The following ELF4 variants were observed in gnomAD, a reference collection of about 807,000 sequenced individuals.
The protein encoded by ELF4 is ETS-related transcription factor Elf-4.
Under a neutral mutation model 31.7 loss-of-function variants are expected in ELF4, and 10 were observed. The observed-to-expected ratio is 0.32, with a 90% CI of 0.19 to 0.54. The LOEUF (loss-of-function observed/expected upper bound fraction) is 0.54, where lower values mean the gene tolerates loss of function less well. Ranked by LOEUF, ELF4 falls within the 20% of genes least tolerant of loss-of-function variation. ELF4 has a pLI of 0.95. For missense variants in ELF4, 418 were observed against 522.0 expected, an observed-to-expected ratio of 0.80 and a Z score of 1.94; for synonymous variants, 208 against 226.7, an observed-to-expected ratio of 0.92 and a Z score of 0.74.
At chrX:130,084,239 G>A (rs766355807) in intron 1 of ELF4, among the ~76,000 whole-genome samples, 2 of 112,311 alleles carry the variant, frequency 1.8e-5, no homozygotes, top group Non-Finnish European at 1.9e-5. Flanking sequence ...AGCTGCCTTC[G>A]TGAGAATGAC....
At chrX:130,087,321 T>A (rs1932976514) in intron 1 of ELF4, among the ~76,000 whole-genome samples, 1 of 112,285 alleles carries the variant, frequency 8.9e-6, no homozygotes, top group African/African-American at 3.2e-5. Context: ...GATCCTAAGA[T>A]CATCGGCTTT....
chrX:130,073,708 C>T (rs2124616603), intron 4 of ELF4, among the ~76,000 whole-genome samples: 1 of 110,552 alleles, frequency 9.0e-6, no homozygotes, highest in Non-Finnish European at 1.9e-5. Flanking sequence ...GATGGGGTTT[C>T]ACCGTGTTGG....
chrX:130,075,699 GGCT>G (rs1216350805), intron 2 of ELF4, among the ~76,000 whole-genome samples: 4 of 112,010 alleles, frequency 3.6e-5, no homozygotes, highest in Non-Finnish European at 7.5e-5. Context: ...AAGGGCAAGG[GGCT>G]CAACCTATAG....
chrX:130,091,734 T>C (rs1933060367), intron 1 of ELF4, among the ~76,000 whole-genome samples: 1 of 111,711 alleles, frequency 9.0e-6, no homozygotes, highest in South Asian at 3.7e-4. Flanking sequence ...GTTCTGCCCA[T>C]GATGTGACCT....
intron 1 of ELF4, among the ~76,000 whole-genome samples, chrX:130,099,589 C>A (rs1337582161): frequency 2.7e-5 from 3 of 110,486 alleles, no homozygotes; most frequent in Non-Finnish European, 3.8e-5. Flanking sequence ...AACAAACAAA[C>A]AAAAAAACCA....
At chrX:130,080,769 T>C (rs772662617) in intron 2 of ELF4, among the ~76,000 whole-genome samples, 28 of 111,965 alleles carry the variant, frequency 2.5e-4, no homozygotes, top group African/African-American at 9.1e-4. Flanking sequence ...ATCCTCAGGC[T>C]GGGGCCAAAA....
intron 1 of ELF4, among the ~76,000 whole-genome samples, chrX:130,095,657 G>C (rs1488585772): frequency 1.8e-5 from 2 of 111,648 alleles, no homozygotes; most frequent in Non-Finnish European, 3.8e-5. Flanking sequence ...GTGACCATGT[G>C]AGCTCCTGTG....
chrX:130,070,162 G>C (rs1449502495), intron 7 of ELF4, among the ~76,000 whole-genome samples: 1 of 111,991 alleles, frequency 8.9e-6, no homozygotes, highest in East Asian at 2.8e-4. Context: ...GAGGCCAGGC[G>C]CGGTGGCTCA....
chrX:130,097,435 A>G (rs963912786), intron 1 of ELF4, among the ~76,000 whole-genome samples: 1 of 110,754 alleles, frequency 9.0e-6, no homozygotes, highest in East Asian at 2.8e-4. Flanking sequence ...AGACTGTCTC[A>G]AAAAAAAGAA....
At position 130,069,548 on chromosome X, in the gene ELF4, T is replaced by C. The variant is rs760301448; in HGVS notation, c.939A>G (p.Pro313=). The C allele has an allele frequency of 8.3e-7, 1 of 1,210,984 alleles. No homozygotes were observed. The stretch of plus-strand genomic sequence containing the variant: ...CCACAGAGGCCGTGGAGGCCTGAGG[T>C]GGGGCTGCTGTGGCTTCGCTGCTCT... ...EDESSEATAA[P]PQASTASVAS... is the part of the protein sequence containing the mutation. The change falls in exon 8 of 9, where the codon CCA becomes CCG. Residue 313 remains proline, a synonymous_variant. Transcript: ENST00000308167.
chrX:130,098,494 G>A (rs1357227225), intron 1 of ELF4, among the ~76,000 whole-genome samples: 1 of 111,719 alleles, frequency 9.0e-6, no homozygotes, highest in Non-Finnish European at 1.9e-5. Flanking sequence ...GGGGCTGCAG[G>A]CTGACTGTGA....
intron 1 of ELF4, among the ~76,000 whole-genome samples, chrX:130,105,051 T>C (rs1933353779): frequency 9.1e-6 from 1 of 110,299 alleles, no homozygotes; most frequent in South Asian, 3.9e-4. Context: ...GTGCTTGTAA[T>C]CCCAGCTACT....
At chrX:130,079,259 A>G (rs771109392) in intron 2 of ELF4, among the ~76,000 whole-genome samples, 1 of 110,552 alleles carries the variant, frequency 9.0e-6, no homozygotes, top group African/African-American at 3.3e-5. Flanking sequence ...GGAGTTCGAG[A>G]CCAGCCTGCC....
intron 1 of ELF4, among the ~76,000 whole-genome samples, chrX:130,083,840 ATGGATGGATG>A (rs1932922635): frequency 9.6e-6 from 1 of 104,008 alleles, no homozygotes; most frequent in Non-Finnish European, 2.0e-5. Flanking sequence ...GGCTGGATGG[ATGGATGGATG>A]GATGGATGGA....
At chrX:130,080,216 G>GTTGGAGACCAGCCTGGCCC (rs1430453840) in intron 2 of ELF4, among the ~76,000 whole-genome samples, 5 of 110,879 alleles carry the variant, frequency 4.5e-5, no homozygotes, top group Non-Finnish European at 7.6e-5. Flanking sequence ...GAGGCCAGGA[G>GTTGGAGACCAGCCTGGCCC]TTGGAGACCA....
intron 1 of ELF4, among the ~76,000 whole-genome samples, chrX:130,101,801 A>AAAAACAAAACAAAAC (rs3080372): frequency 0.011 from 1,115 of 97,362 alleles, 25 homozygotes; most frequent in African/African-American, 0.041. Flanking sequence ...CTCCGTCTCA[A>AAAAACAAAACAAAAC]AAAACAAAAC....
chrX:130,092,990 A>G (rs935110790), intron 1 of ELF4, among the ~76,000 whole-genome samples: 2 of 106,923 alleles, frequency 1.9e-5, no homozygotes, highest in Non-Finnish European at 3.9e-5. Context: ...CAGGTTTCGA[A>G]TCTTGAGAAT....
chrX:130,069,477 C>A lies in ELF4; in HGVS notation c.1010G>T (p.Arg337Ile). 1.6e-6 allele frequency: 2 copies of A among 1,212,416 alleles called. No homozygotes were observed. Among genetic ancestry groups the A allele is most frequent in the Non-Finnish European group, 2.2e-6 (2 of 895,673 alleles). Residue 337 changes from arginine to isoleucine, a missense_variant, in exon 8 of 9, where the codon AGA (arginine) becomes ATA (isoleucine). By Grantham distance (97) the Arg-to-Ile change is moderately conservative. This residue lies in a region of ELF4 where 260 missense variants were observed against 269.2 expected (regional missense o/e 0.97). Coordinates refer to ENST00000308167, the MANE Select transcript of ELF4 (RefSeq NM_001421.4). ...TRRTSSRVSS[R>I]SAPQGKGSSS... ...GCTGCCCTTGCCCTGGGGGGCAGAT[C>A]TGGATGAGACCCTGGAGCTGGTTCG... is the stretch of plus-strand genomic sequence containing the variant.
At chrX:130,092,275 T>G (rs1198372702) in intron 1 of ELF4, among the ~76,000 whole-genome samples, 1 of 113,399 alleles carries the variant, frequency 8.8e-6, no homozygotes, top group Admixed American at 9.3e-5. Flanking sequence ...TGCCACTTCC[T>G]GTCCCAGGGG....
Sources: gnomAD v4.1 joint callset for allele counts (sites outside exome capture counted in the v4.1 genomes callset) on GRCh38, gnomAD v4.1.1 for gene constraint, gnomAD v4.1.1 regional missense constraint, MANE v1.5 for transcripts, NCBI Gene and HGNC (gene_info 2026-07-23, HGNC 2026-07-21) for gene names.